The following SENP7 variants were observed in gnomAD, a reference collection of about 807,000 sequenced individuals.
SENP7 encodes the protein sentrin-specific protease 7.
Under a neutral mutation model 141.2 loss-of-function variants are expected in SENP7, and 64 were observed. That is an observed-to-expected ratio of 0.45 (90% CI 0.37 to 0.56). The LOEUF (loss-of-function observed/expected upper bound fraction) is 0.56. SENP7 is among the 20% of genes least tolerant of loss of function. The pLI is 0.00. For missense variants in SENP7, 1,025 were observed against 1,212.2 expected (o/e 0.85, Z 2.29); for synonymous variants, 382 against 426.4 (o/e 0.90, Z 1.28).
chr3:101,416,934 T>C lies in SENP7; in HGVS notation c.482+659A>G, dbSNP rs2061641371. Reference sequence around the variant, plus strand: ...CAAAACATTCATTTAATGGCTGAAATTGTAAATCGTGATGTATAAAAGATA... The same window carrying C: ...CAAAACATTCATTTAATGGCTGAAACTGTAAATCGTGATGTATAAAAGATA... On this transcript the variant is annotated intron_variant, in intron 5 of 23. Transcript: ENST00000394095. Among the ~76,000 whole-genome samples, 3 of 152,154 alleles carry C rather than the reference T, an allele frequency of 2.0e-5. 1 individual carries two copies. The highest frequency in any genetic ancestry group is 1.3e-4 in the Admixed American group (2 of 15,266).
chr3:101,366,406 CT>C (rs1401621883), intron 9 of SENP7, 23 bp downstream of exon 9: 1 of 1,479,406 alleles, frequency 6.8e-7, no homozygotes, highest in African/African-American at 1.4e-5. Context: ...AATTAAGTAA[CT>C]TTATAATCCT....
chr3:101,399,820 C>T (rs1334057894), intron 5 of SENP7, among the ~76,000 whole-genome samples: 4 of 152,098 alleles, frequency 2.6e-5, no homozygotes, highest in African/African-American at 9.7e-5. Flanking sequence ...GTGACTATGT[C>T]TCATTATGTT....
At chr3:101,458,677 G>C (rs2063440087) in intron 4 of SENP7, 1 of 203,678 alleles carries the variant, frequency 4.9e-6, no homozygotes, top group Admixed American at 5.7e-5. Context: ...TCTCACTGCT[G>C]ATCGCAAACA....
At chr3:101,346,079 AAAAC>A (rs2059446416) in intron 13 of SENP7, among the ~76,000 whole-genome samples, 2 of 152,212 alleles carry the variant, frequency 1.3e-5, no homozygotes, top group South Asian at 4.1e-4. Context: ...TAGCAAGAAA[AAAAC>A]AAACCCATCA....
At chr3:101,341,898 A>G (rs1224890180) in intron 14 of SENP7, 119 bp from the exon 15 acceptor site, 5 of 1,017,286 alleles carry the variant, frequency 4.9e-6, no homozygotes, top group East Asian at 5.5e-5. Flanking sequence ...TTATATCTAT[A>G]CTTTTAGATT....
chr3:101,437,247 G>A (rs1012186932), intron 4 of SENP7, among the ~76,000 whole-genome samples: 1 of 152,284 alleles, frequency 6.6e-6, no homozygotes, highest in Non-Finnish European at 1.5e-5. Flanking sequence ...GCTGAGGGGG[G>A]CAGGTGGGGA....
chr3:101,412,552 A>C (rs2061485860), intron 5 of SENP7, among the ~76,000 whole-genome samples: 1 of 152,114 alleles, frequency 6.6e-6, no homozygotes. Context: ...AATTCTTTTT[A>C]ATTTTAAACA....
At chr3:101,444,288 C>T (rs55816311) in intron 4 of SENP7, among the ~76,000 whole-genome samples, 51,834 of 139,616 alleles carry the variant, frequency 0.37, 10,296 homozygotes, top group Admixed American at 0.5. Context: ...TTTGACACTG[C>T]TGGTGGGATT....
At chr3:101,430,839 C>T (rs2062138471) in intron 4 of SENP7, among the ~76,000 whole-genome samples, 1 of 152,178 alleles carries the variant, frequency 6.6e-6, no homozygotes, top group South Asian at 2.1e-4. Context: ...TTTCCCTCTA[C>T]ACACTGCTTT....
At chr3:101,447,034 C>T (rs971392060) in intron 4 of SENP7, among the ~76,000 whole-genome samples, 3 of 151,790 alleles carry the variant, frequency 2.0e-5, no homozygotes, top group Non-Finnish European at 2.9e-5. Flanking sequence ...CAAGTAAGAT[C>T]GAAAACAAAA....
At position 101,495,454 on chromosome 3, in the gene SENP7, T is replaced by C. The variant is rs1454182561; in HGVS notation, c.91-1486A>G. The stretch of plus-strand genomic sequence containing the variant: ...TATTACAAAGATATATGCATGCACA[T>C]GTTTGCTGCAACACTATTCACAATA... On this transcript the variant is annotated intron_variant, in intron 2 of 23. Coordinates refer to ENST00000394095, the MANE Select transcript of SENP7 (RefSeq NM_020654.5). 2.0e-5 allele frequency among the ~76,000 whole-genome samples: 3 copies of C among 152,300 alleles called. No individual in the cohort carries two copies. In the East Asian group the frequency reaches 5.8e-4, roughly 29 times the overall value.
At chr3:101,476,396 A>G (rs909959002) in intron 3 of SENP7, among the ~76,000 whole-genome samples, 2 of 152,142 alleles carry the variant, frequency 1.3e-5, no homozygotes, top group Middle Eastern at 3.2e-3. Flanking sequence ...AATGGTTTCC[A>G]GCTTCATCCA....
At chr3:101,385,861 A>G (rs1273813421) in intron 6 of SENP7, among the ~76,000 whole-genome samples, 1 of 152,216 alleles carries the variant, frequency 6.6e-6, no homozygotes, top group Non-Finnish European at 1.5e-5. Flanking sequence ...GCTCTCCTCA[A>G]ATGAGCAGAC....
intron 4 of SENP7, among the ~76,000 whole-genome samples, chr3:101,436,244 TATCTCTC>T (rs1385282146): frequency 2.0e-5 from 3 of 152,156 alleles, no homozygotes; most frequent in Non-Finnish European, 4.4e-5. Flanking sequence ...ACTAGACCCC[TATCTCTC>T]ATCATATACA....
At chr3:101,506,994 A>T (rs553274715) in intron 1 of SENP7, among the ~76,000 whole-genome samples, 3 of 151,732 alleles carry the variant, frequency 2.0e-5, no homozygotes, top group African/African-American at 7.3e-5. Context: ...CCAGGAGTTC[A>T]AGGCTGCATT....
Position 101,442,155 on chromosome 3 carries a change from C to CA in SENP7, c.284+16799dup, listed in dbSNP as rs1171044376. On this transcript the variant is annotated intron_variant, in intron 4 of 23. Coordinates refer to ENST00000394095, the MANE Select transcript of SENP7 (RefSeq NM_020654.5). Reference sequence around the variant, plus strand: ...ACAAAGCAAGAAAGCATGACACCTCCAAAAAAATACAATAATTCTCCAGTA... The same window carrying CA: ...ACAAAGCAAGAAAGCATGACACCTCCAAAAAAAATACAATAATTCTCCAGTA... 5.9e-5 allele frequency among the ~76,000 whole-genome samples: 9 copies of CA among 152,072 alleles called. No homozygotes were observed. In the East Asian group the frequency reaches 1.7e-3, roughly 29 times the overall value.
At chr3:101,367,497 C>T (rs2060067692) in intron 8 of SENP7, among the ~76,000 whole-genome samples, 1 of 151,444 alleles carries the variant, frequency 6.6e-6, no homozygotes, top group Admixed American at 6.6e-5. Flanking sequence ...AAAAAAATGA[C>T]TAGACAGTAT....
At chr3:101,464,514 A>G (rs557345507) in intron 3 of SENP7, among the ~76,000 whole-genome samples, 14 of 152,256 alleles carry the variant, frequency 9.2e-5, no homozygotes, top group Admixed American at 3.9e-4. Flanking sequence ...TGAACTGTGC[A>G]TATGAGTGAT....
At chr3:101,491,633 A>G (rs1167919435) in intron 3 of SENP7, among the ~76,000 whole-genome samples, 3 of 152,206 alleles carry the variant, frequency 2.0e-5, no homozygotes, top group African/African-American at 2.4e-5. Flanking sequence ...AGTAAACAGA[A>G]GTCACCTGGT....
Sources: allele counts gnomAD v4.1 joint callset (sites outside exome capture counted in the v4.1 genomes callset), GRCh38; gene constraint gnomAD v4.1.1; transcripts MANE v1.5; gene names NCBI Gene and HGNC (gene_info 2026-07-23, HGNC 2026-07-21).